Variants in ADGRL3 observed in about 807,000 individuals in gnomAD.
ADGRL3 encodes adhesion G protein-coupled receptor L3.
In ADGRL3, 62 loss-of-function variants were observed where a neutral mutation model predicts 153.5. The ratio of observed to expected loss-of-function variants is 0.40; its 90% CI spans 0.33 to 0.50. The LOEUF is 0.50. ADGRL3 is among the 20% of genes least tolerant of loss of function. The pLI is 0.47. For synonymous variants in ADGRL3, 710 were observed against 672.5 expected, an observed-to-expected ratio of 1.06 and a Z score of -0.86; for missense variants, 1,641 against 1,859.4, an observed-to-expected ratio of 0.88 and a Z score of 2.16.
At chr4:61,258,877 G>A (rs946806031) in intron 1 of ADGRL3, among the ~76,000 whole-genome samples, 18 of 152,058 alleles carry the variant, frequency 1.2e-4, no homozygotes, top group African/African-American at 4.3e-4. Context: ...AGATAATATT[G>A]AACATTGCTA....
intron 9 of ADGRL3, among the ~76,000 whole-genome samples, chr4:61,867,707 T>A (rs1397452740): frequency 6.6e-6 from 1 of 151,248 alleles, no homozygotes; most frequent in Non-Finnish European, 1.5e-5. Context: ...AATTTGTCTG[T>A]TTTATGCTAA....
At chr4:61,776,489 G>A (rs2097153160) in intron 8 of ADGRL3, among the ~76,000 whole-genome samples, 1 of 151,746 alleles carries the variant, frequency 6.6e-6, no homozygotes, top group Non-Finnish European at 1.5e-5. Context: ...TATATGTTGG[G>A]GTCAGGGTCT....
chr4:61,815,057 C>A (rs7656882), intron 9 of ADGRL3, among the ~76,000 whole-genome samples: 84,545 of 151,882 alleles, frequency 0.56, 25,131 homozygotes, highest in African/African-American at 0.76. Context: ...TGAAGGTGAC[C>A]GCCTAGATCC....
At chr4:61,872,169 G>A (rs373003449) in intron 9 of ADGRL3, among the ~76,000 whole-genome samples, 18 of 152,132 alleles carry the variant, frequency 1.2e-4, no homozygotes, top group African/African-American at 3.4e-4. Context: ...TATGGACACC[G>A]CAAGTGGTTC....
chr4:61,384,703 CT>C lies in ADGRL3; in HGVS notation c.-174+1522del, dbSNP rs370504371. Among the ~76,000 whole-genome samples the C allele has an allele frequency of 1.1e-3, 162 of 151,810 alleles. 2 individuals are homozygous for C. The East Asian group carries it at 0.021, about 20-fold the overall frequency. On this transcript the variant is annotated intron_variant, in intron 2 of 26. Coordinates refer to ENST00000683033, the MANE Select transcript of ADGRL3 (RefSeq NM_001387552.1). ...CTCAACTGAATCTTTCTCTTTTCTA[CT>C]TTTTTTTAATCAGCACTCCAGTAGA...
rs374492406 is a variant in ADGRL3, at chr4:61,545,097, T to G, written c.259+27579T>G. On this transcript the variant is annotated intron_variant, in intron 4 of 26. Coordinates refer to ENST00000683033, the MANE Select transcript of ADGRL3 (RefSeq NM_001387552.1). ...AAAATCTAGAAGTAATCTTGGATTT[T>G]TCTTTCCTTTACTTCTCCTCCTGCA... Among the ~76,000 whole-genome samples the G allele has an allele frequency of 7.9e-5, 12 of 152,378 alleles. 1 individual carries two copies. In the South Asian group the frequency reaches 2.5e-3, roughly 32 times the overall value.
At chr4:61,541,747 T>G (rs1211398584) in intron 4 of ADGRL3, among the ~76,000 whole-genome samples, 1 of 152,076 alleles carries the variant, frequency 6.6e-6, no homozygotes, top group Non-Finnish European at 1.5e-5. Context: ...TGTGTGGCCT[T>G]TCTTTCTCTC....
chr4:61,872,551 A>G (rs1283125067), intron 9 of ADGRL3, among the ~76,000 whole-genome samples: 3 of 151,334 alleles, frequency 2.0e-5, no homozygotes, highest in East Asian at 1.9e-4. Context: ...GGATTAATTT[A>G]TAATTGTTTA....
At chr4:61,928,978 T>C (rs2098806174) in intron 13 of ADGRL3, among the ~76,000 whole-genome samples, 1 of 152,140 alleles carries the variant, frequency 6.6e-6, no homozygotes, top group Admixed American at 6.6e-5. Context: ...TGATGTCTTC[T>C]CTAAGGACAT....
At chr4:61,567,859 G>GA (rs1387292241) in intron 4 of ADGRL3, among the ~76,000 whole-genome samples, 1 of 152,080 alleles carries the variant, frequency 6.6e-6, no homozygotes, top group Admixed American at 6.6e-5. Context: ...TTATTAAGAA[G>GA]AAAAAATAAT....
chr4:61,769,124 G>A (rs575193574), intron 8 of ADGRL3, among the ~76,000 whole-genome samples: 1,581 of 151,972 alleles, frequency 0.01, 31 homozygotes, highest in African/African-American at 0.032. Context: ...GCGTCCCTGC[G>A]TGGTCTGACA....
intron 1 of ADGRL3, among the ~76,000 whole-genome samples, chr4:61,287,700 G>C (rs2093994728): frequency 1.3e-5 from 2 of 151,870 alleles, no homozygotes; most frequent in Admixed American, 6.6e-5. Flanking sequence ...TATTGGGTCT[G>C]ACTGGCTTGA....
At chr4:61,381,728 G>T (rs568625793) in intron 1 of ADGRL3, among the ~76,000 whole-genome samples, 2 of 151,932 alleles carry the variant, frequency 1.3e-5, no homozygotes, top group African/African-American at 2.4e-5. Flanking sequence ...GATGAGATAC[G>T]CCAGTTCTTC....
intron 8 of ADGRL3, among the ~76,000 whole-genome samples, chr4:61,803,863 C>T (rs2097526783): frequency 6.6e-6 from 1 of 152,000 alleles, no homozygotes; most frequent in Non-Finnish European, 1.5e-5. Flanking sequence ...AATATAAATA[C>T]CTAGTACCTC....
intron 4 of ADGRL3, among the ~76,000 whole-genome samples, chr4:61,521,042 A>G (rs1375075406): frequency 6.6e-6 from 1 of 152,246 alleles, no homozygotes; most frequent in South Asian, 2.1e-4. Flanking sequence ...CTAATTACTC[A>G]TGTCACTAGT....
chr4:61,739,440 C>T (rs917653432), intron 8 of ADGRL3, among the ~76,000 whole-genome samples: 1 of 152,094 alleles, frequency 6.6e-6, no homozygotes, highest in African/African-American at 2.4e-5. Context: ...CCCTGAGTAG[C>T]TTGACCTCCC....
chr4:61,323,030 G>T (rs749678514), intron 1 of ADGRL3, among the ~76,000 whole-genome samples: 1 of 152,312 alleles, frequency 6.6e-6, no homozygotes, highest in Non-Finnish European at 1.5e-5. Context: ...TGAAATCTAC[G>T]TAGAGCTTCC....
At chr4:61,746,659 C>G (rs1485432051) in intron 8 of ADGRL3, among the ~76,000 whole-genome samples, 1 of 152,098 alleles carries the variant, frequency 6.6e-6, no homozygotes, top group African/African-American at 2.4e-5. Context: ...TTGAAACCAA[C>G]AAGAACAAAG....
intron 8 of ADGRL3, among the ~76,000 whole-genome samples, chr4:61,736,379 C>T (rs938415468): frequency 3.9e-5 from 6 of 152,252 alleles, no homozygotes; most frequent in Middle Eastern, 3.4e-3. Context: ...GAAGGCTGGG[C>T]GTGGTGGCTC....
Sources: allele counts gnomAD v4.1 joint callset (sites outside exome capture counted in the v4.1 genomes callset), GRCh38; gene constraint gnomAD v4.1.1; transcripts MANE v1.5; gene names NCBI Gene and HGNC (gene_info 2026-07-23, HGNC 2026-07-21).